The following UHMK1 variants were observed in gnomAD, a reference collection of about 807,000 sequenced individuals.
UHMK1 encodes the protein U2AF homology motif kinase 1.
A neutral mutation model predicts 44.0 loss-of-function variants in UHMK1; 18 were observed. That is an observed-to-expected ratio of 0.41 (90% CI 0.28 to 0.61). The LOEUF (loss-of-function observed/expected upper bound fraction) is 0.61, where lower values mean the gene tolerates loss of function less well. UHMK1 is among the 20% of genes least tolerant of loss of function. The pLI, the probability that UHMK1 is intolerant of heterozygous loss-of-function variation, is 0.31. For synonymous variants in UHMK1, 231 were observed against 198.5 expected, an observed-to-expected ratio of 1.16 and a Z score of -1.38; for missense variants, 463 against 522.5, an observed-to-expected ratio of 0.89 and a Z score of 1.11.
At chr1:162,512,402 A>T (rs1025886568) in intron 4 of UHMK1, 98 bp from the exon 5 acceptor site, 1 of 907,064 alleles carries the variant, frequency 1.1e-6, no homozygotes, top group African/African-American at 1.7e-5. Context: ...TAATATAATT[A>T]ATGCTGTGAT....
At position 162,527,965 on chromosome 1, in the gene UHMK1, A is replaced by G. The variant is rs1276361997; in HGVS notation, c.*5415A>G. 1 of 151,938 alleles carries G rather than the reference A, an allele frequency of 6.6e-6. No individual in the cohort carries two copies. The highest frequency in any genetic ancestry group is 1.5e-5 in the Non-Finnish European group (1 of 67,918). 9.4% of individuals were successfully genotyped at this position (151,938 alleles called of 1,614,324 possible). ...TTGGGGGGGGATCTTTATGTGAAAAATCAGAGCTACTTGTTACCATAAGCC... is the reference window on the plus strand; with the variant it reads ...TTGGGGGGGGATCTTTATGTGAAAAGTCAGAGCTACTTGTTACCATAAGCC... On this transcript the variant is annotated 3_prime_UTR_variant, in exon 8 of 8. Coordinates refer to ENST00000489294, the MANE Select transcript of UHMK1 (RefSeq NM_175866.5).
upstream of UHMK1, chr1:162,497,741 C>T (rs1651098833): frequency 8.3e-7 from 1 of 1,208,796 alleles, no homozygotes; most frequent in Non-Finnish European, 1.1e-6. Flanking sequence ...CGCGTCTAAT[C>T]TCTTCTAGGC....
intron 2 of UHMK1, chr1:162,500,454 AGT>A: frequency 1.7e-6 from 1 of 586,082 alleles, no homozygotes; most frequent in Non-Finnish European, 2.9e-6. Context: ...AGGAGGAGCC[AGT>A]GAAGCATGAG....
At chr1:162,501,170 G>GT in intron 3 of UHMK1, 66 bp downstream of exon 3, 2 of 1,303,796 alleles carry the variant, frequency 1.5e-6, no homozygotes, top group Non-Finnish European at 1.0e-6. Context: ...AATTTATGAT[G>GT]ATTTTTTTTT....
At chr1:162,513,281 G>C (rs1433735941) in intron 6 of UHMK1, among the ~76,000 whole-genome samples, 1 of 152,168 alleles carries the variant, frequency 6.6e-6, no homozygotes. Flanking sequence ...ACTCTTTTAC[G>C]TTTCATCTTT....
chr1:162,499,565 T>C (rs74231105), intron 1 of UHMK1, among the ~76,000 whole-genome samples: 3 of 152,238 alleles, frequency 2.0e-5, no homozygotes, highest in African/African-American at 7.2e-5. Flanking sequence ...GTTTTTACTT[T>C]TAAAAATTTC....
Position 162,497,922 on chromosome 1 carries a change from C to A in UHMK1, c.-79C>A. ...CCTGCGGAGCCGCTGGTCCGGCTGG[C>A]GGAGATGTGACCGCGGGCCCGGCCG... On this transcript the variant is annotated 5_prime_UTR_variant, in exon 1 of 8. Coordinates refer to ENST00000489294, the MANE Select transcript of UHMK1 (RefSeq NM_175866.5). 1 of 1,436,342 alleles carries A rather than the reference C, an allele frequency of 7.0e-7. No homozygotes were observed. The highest frequency in any genetic ancestry group is 9.1e-7 in the Non-Finnish European group (1 of 1,099,736). 89.0% of individuals were successfully genotyped at this position (1,436,342 alleles called of 1,614,324 possible).
intron 1 of UHMK1, among the ~76,000 whole-genome samples, chr1:162,499,013 AT>A (rs1024592074): frequency 1.3e-5 from 2 of 152,114 alleles, no homozygotes; most frequent in African/African-American, 4.8e-5. Context: ...CTAGTGCTAC[AT>A]TTTTTTAGTT....
chr1:162,499,893 C>T, intron 1 of UHMK1, 62 bp from the exon 2 acceptor site: 1 of 1,510,526 alleles, frequency 6.6e-7, no homozygotes, highest in Non-Finnish European at 9.0e-7. Flanking sequence ...ACTGCAGTTA[C>T]CTACTTTAGT....
intron 4 of UHMK1, among the ~76,000 whole-genome samples, chr1:162,506,854 A>G (rs1651487791): frequency 6.6e-6 from 1 of 150,764 alleles, no homozygotes; most frequent in African/African-American, 2.4e-5. Flanking sequence ...ACAGAGGGAG[A>G]CTCTGTCTCA....
chr1:162,517,692 C>G (rs998233109), intron 6 of UHMK1, among the ~76,000 whole-genome samples: 2 of 151,988 alleles, frequency 1.3e-5, no homozygotes, highest in Admixed American at 6.6e-5. Context: ...CGAGAACAGC[C>G]TGGCCAATAT....
chr1:162,523,597 G>A lies in UHMK1; in HGVS notation c.*1047G>A, dbSNP rs1378775372. The A allele has an allele frequency of 2.0e-5, 3 of 152,554 alleles. No homozygotes were observed. Among genetic ancestry groups the A allele is most frequent in the Non-Finnish European group, 4.4e-5 (3 of 68,038 alleles). The allele number at this position is 152,554 out of a possible 1,614,324, so 9.5% of individuals were successfully genotyped here. Reference sequence around the variant, plus strand: ...GGCTCTACCTACTATGATGAAAATTGAAGTGGGTCAAAAGAATTAGATGTA... The same window carrying A: ...GGCTCTACCTACTATGATGAAAATTAAAGTGGGTCAAAAGAATTAGATGTA... On this transcript the variant is annotated 3_prime_UTR_variant, in exon 8 of 8. Transcript: ENST00000489294.
chr1:162,513,823 T>C (rs1457099323), intron 6 of UHMK1, among the ~76,000 whole-genome samples: 1 of 152,210 alleles, frequency 6.6e-6, no homozygotes, highest in East Asian at 1.9e-4. Flanking sequence ...ATCCGAGAGA[T>C]AGTAACACCA....
At chr1:162,519,315 T>TAA (rs11372749) in intron 7 of UHMK1, among the ~76,000 whole-genome samples, 8,997 of 145,604 alleles carry the variant, frequency 0.062, 301 homozygotes, top group Middle Eastern at 0.098. Flanking sequence ...GACTCCATCT[T>TAA]AAAAAAAAAA....
intron 4 of UHMK1, among the ~76,000 whole-genome samples, chr1:162,509,988 T>G (rs1253561880): frequency 6.6e-6 from 1 of 152,200 alleles, no homozygotes; most frequent in Non-Finnish European, 1.5e-5. Context: ...TTATAAATGC[T>G]TACTTACAAT....
At chr1:162,512,397 TA>T in intron 4 of UHMK1, 102 bp from the exon 5 acceptor site, 5 of 876,752 alleles carry the variant, frequency 5.7e-6, no homozygotes, top group Non-Finnish European at 8.9e-6. Flanking sequence ...CATGCTAATA[TA>T]ATTAATGCTG....
chr1:162,514,625 A>G (rs1651775955), intron 6 of UHMK1, among the ~76,000 whole-genome samples: 1 of 152,156 alleles, frequency 6.6e-6, no homozygotes, highest in African/African-American at 2.4e-5. Flanking sequence ...AAGGAAGGAG[A>G]AATAATTTGC....
rs1651205713 is a variant in UHMK1 at position 162,499,940 on chromosome 1, A to G, written c.269-15A>G. On this transcript the variant is annotated splice_polypyrimidine_tract_variant and intron_variant, in intron 1 of 7. Coordinates refer to ENST00000489294, the MANE Select transcript of UHMK1 (RefSeq NM_175866.5). ...CTGAGTCTGATTTTTAAAGTATTAT[A>G]ATTTCTTTTTCTAGTGACTTTGTAT... The G allele has an allele frequency of 1.2e-6, 2 of 1,611,730 alleles. No individual in the cohort carries two copies. Among genetic ancestry groups the G allele is most frequent in the Non-Finnish European group, 1.7e-6 (2 of 1,178,986 alleles).
Position 162,501,048 on chromosome 1 carries a change from C to T in UHMK1, c.697C>T (p.Leu233=). 1 of 1,614,108 alleles carries T rather than the reference C, an allele frequency of 6.2e-7. No homozygotes were observed. Among genetic ancestry groups the T allele is most frequent in the East Asian group, 2.2e-5 (1 of 44,884 alleles). ...VDLWSLGIIL[L]EMFSGMKLKH... is the part of the protein sequence containing the mutation. ...TCTGTGGAGCCTAGGAATCATTTTA[C>T]TGGAAATGTTCTCAGGAATGAAACT... Residue 233 remains leucine, a synonymous_variant, in exon 3 of 8, where the codon CTG becomes TTG. Coordinates refer to ENST00000489294, the MANE Select transcript of UHMK1 (RefSeq NM_175866.5).
Sources: gnomAD v4.1 joint callset for allele counts (sites outside exome capture counted in the v4.1 genomes callset) on GRCh38, gnomAD v4.1.1 for gene constraint, MANE v1.5 for transcripts, NCBI Gene and HGNC (gene_info 2026-07-23, HGNC 2026-07-21) for gene names.